FBXL17: variants seen among roughly 807,000 people sequenced by gnomAD.
FBXL17 encodes F-box/LRR-repeat protein 17.
Under a neutral mutation model 66.2 loss-of-function variants are expected in FBXL17, and 22 were observed. The ratio of observed to expected loss-of-function variants is 0.33; its 90% CI spans 0.24 to 0.47. The LOEUF (loss-of-function observed/expected upper bound fraction) is 0.47, where lower values mean the gene tolerates loss of function less well. Among genes scored for constraint, FBXL17 ranks in the 20% least tolerant of loss-of-function variants. The pLI is 1.00. For missense variants in FBXL17, 878 were observed against 948.2 expected (o/e 0.93, Z 0.97); for synonymous variants, 474 against 400.5 (o/e 1.18, Z -2.19).
At chr5:108,284,927 T>C (rs956544196) in intron 4 of FBXL17, among the ~76,000 whole-genome samples, 1 of 151,888 alleles carries the variant, frequency 6.6e-6, no homozygotes, top group Non-Finnish European at 1.5e-5. Context: ...GTGATGCTGT[T>C]TGATCATATT....
rs75271902 is a variant in FBXL17, at chr5:108,235,776, C to G, written c.1507-11548G>C. On this transcript the variant is annotated intron_variant, in intron 4 of 8. Transcript: ENST00000542267. ...ATTTATCCTGTTCACTACTCTAGCCCTAGAGTTTGATACAGTGTCCCACGT... is the reference window on the plus strand; with the variant it reads ...ATTTATCCTGTTCACTACTCTAGCCGTAGAGTTTGATACAGTGTCCCACGT... Among the ~76,000 whole-genome samples the G allele has an allele frequency of 3.9e-3, 600 of 152,264 alleles. 4 individuals are homozygous for G. Among genetic ancestry groups the G allele is most frequent in the African/African-American group, 0.014 (567 of 41,558 alleles).
At chr5:107,952,760 C>G (rs1220880983) in intron 7 of FBXL17, among the ~76,000 whole-genome samples, 1 of 152,180 alleles carries the variant, frequency 6.6e-6, no homozygotes, top group Non-Finnish European at 1.5e-5. Context: ...TTCACACATT[C>G]AGATTAAACT....
chr5:108,181,295 C>A (rs982293162), intron 6 of FBXL17, among the ~76,000 whole-genome samples: 1 of 152,126 alleles, frequency 6.6e-6, no homozygotes, highest in South Asian at 2.1e-4. Context: ...ATTTAAATCA[C>A]TGATAGAAAT....
chr5:107,891,745 T>C (rs566520867), intron 7 of FBXL17, among the ~76,000 whole-genome samples: 26 of 152,296 alleles, frequency 1.7e-4, no homozygotes, highest in Non-Finnish European at 1.0e-4. Flanking sequence ...TAAGTGTCCT[T>C]GGATTAGTAG....
intron 7 of FBXL17, among the ~76,000 whole-genome samples, chr5:107,886,496 G>A (rs1333528572): frequency 9.9e-5 from 15 of 152,038 alleles, no homozygotes; most frequent in Non-Finnish European, 1.5e-4. Context: ...CAGCCATTTC[G>A]TAGAGAAATG....
chr5:108,154,904 G>T (rs1490925101), intron 6 of FBXL17, among the ~76,000 whole-genome samples: 6 of 151,342 alleles, frequency 4.0e-5, no homozygotes, highest in Non-Finnish European at 7.4e-5. Flanking sequence ...GTCAAGAAAC[G>T]GGATTTCCAT....
At chr5:108,037,958 T>C (rs933882976) in intron 6 of FBXL17, among the ~76,000 whole-genome samples, 3 of 152,162 alleles carry the variant, frequency 2.0e-5, no homozygotes, top group Admixed American at 6.5e-5. Flanking sequence ...CCTATCAATT[T>C]ACAAGAAATG....
At chr5:108,097,083 G>A (rs892892532) in intron 6 of FBXL17, among the ~76,000 whole-genome samples, 1 of 152,136 alleles carries the variant, frequency 6.6e-6, no homozygotes, top group Admixed American at 6.5e-5. Context: ...GGAGGTGAAT[G>A]GATCATGGGG....
In FBXL17 at chr5:108,296,206, C is replaced by CA. The variant is rs1441675678; in HGVS notation, c.1506+52192dup. 1.1e-4 allele frequency among the ~76,000 whole-genome samples: 16 copies of CA among 151,714 alleles called. No individual in the cohort carries two copies. In the East Asian group the frequency reaches 2.9e-3, roughly 28 times the overall value. ...ATAGGGAAGAATCAAGGCTGAATCT[C>CA]AAGTTTCTGGATTAGAACACTAGGA... On this transcript the variant is annotated intron_variant, in intron 4 of 8. Coordinates refer to ENST00000542267, the MANE Select transcript of FBXL17 (RefSeq NM_001163315.3).
chr5:108,149,158 T>C (rs1487978452), intron 6 of FBXL17, among the ~76,000 whole-genome samples: 1 of 152,234 alleles, frequency 6.6e-6, no homozygotes, highest in African/African-American at 2.4e-5. Context: ...ATGACAATGA[T>C]TTATAGACAT....
At chr5:107,871,900 A>C (rs1748469022) in intron 8 of FBXL17, among the ~76,000 whole-genome samples, 1 of 152,188 alleles carries the variant, frequency 6.6e-6, no homozygotes, top group African/African-American at 2.4e-5. Context: ...TTGAGGGGGA[A>C]AGCTCTCTGA....
intron 7 of FBXL17, among the ~76,000 whole-genome samples, chr5:107,979,276 T>C (rs971592400): frequency 6.6e-6 from 1 of 152,192 alleles, no homozygotes; most frequent in African/African-American, 2.4e-5. Flanking sequence ...AAGTTGGGTA[T>C]AATATAGTTT....
chr5:108,377,733 A>G (rs1186690238), intron 1 of FBXL17, among the ~76,000 whole-genome samples: 2 of 152,258 alleles, frequency 1.3e-5, no homozygotes, highest in African/African-American at 2.4e-5. Flanking sequence ...CCACAGGTGA[A>G]AGTACATTTC....
intron 7 of FBXL17, among the ~76,000 whole-genome samples, chr5:108,012,796 A>C (rs1316452966): frequency 1.3e-5 from 2 of 152,126 alleles, no homozygotes; most frequent in African/African-American, 4.8e-5. Context: ...CAGGCGGATC[A>C]CCTGATGTTG....
chr5:108,223,215 A>G (rs1171657668), intron 5 of FBXL17, among the ~76,000 whole-genome samples: 1 of 152,154 alleles, frequency 6.6e-6, no homozygotes, highest in East Asian at 1.9e-4. Context: ...CCTAGGGAGT[A>G]AAGAAAGACA....
chr5:107,881,698 T>C (rs1748799943), intron 7 of FBXL17, among the ~76,000 whole-genome samples: 1 of 152,226 alleles, frequency 6.6e-6, no homozygotes, highest in Non-Finnish European at 1.5e-5. Context: ...TAGCGCTTCT[T>C]GGGACTGTTA....
intron 4 of FBXL17, among the ~76,000 whole-genome samples, chr5:108,330,275 C>T (rs760453335): frequency 4.6e-5 from 7 of 152,138 alleles, no homozygotes; most frequent in Admixed American, 1.3e-4. Flanking sequence ...CTATGAACCA[C>T]GTGATAACTT....
At chr5:107,920,636 C>A (rs567604808) in intron 7 of FBXL17, among the ~76,000 whole-genome samples, 1 of 152,150 alleles carries the variant, frequency 6.6e-6, no homozygotes, top group East Asian at 1.9e-4. Flanking sequence ...TGAATAAATC[C>A]ACACCCCAAA....
At chr5:108,053,015 A>T (rs965857603) in intron 6 of FBXL17, among the ~76,000 whole-genome samples, 1 of 152,138 alleles carries the variant, frequency 6.6e-6, no homozygotes, top group Non-Finnish European at 1.5e-5. Context: ...CTGAAACTGG[A>T]CCCCTTCCTT....
Sources: gnomAD v4.1 joint callset for allele counts (sites outside exome capture counted in the v4.1 genomes callset) on GRCh38, gnomAD v4.1.1 for gene constraint, MANE v1.5 for transcripts, NCBI Gene and HGNC (gene_info 2026-07-23, HGNC 2026-07-21) for gene names.